The following UNC45B variants were observed in gnomAD, a reference collection of about 807,000 sequenced individuals.
UNC45B encodes unc-45 myosin chaperone B.
In UNC45B, 78 loss-of-function variants were observed where a neutral mutation model predicts 98.7. The observed-to-expected ratio is 0.79, with a 90% confidence interval of 0.66 to 0.95. The LOEUF is 0.95. UNC45B is among the 40% of genes least tolerant of loss of function. The pLI is 0.00. For missense variants in UNC45B, 1,225 were observed against 1,184.9 expected (o/e 1.03, Z -0.50); for synonymous variants, 462 against 480.4 (o/e 0.96, Z 0.50).
chr17:35,178,278 T>G (rs1188628687), intron 17 of UNC45B, among the ~76,000 whole-genome samples: 1 of 152,232 alleles, frequency 6.6e-6, no homozygotes, highest in Non-Finnish European at 1.5e-5. Flanking sequence ...TGATTTGCAT[T>G]TCTCTGATAA....
chr17:35,177,621 T>C lies in UNC45B; in HGVS notation c.2255+11T>C. 6.5e-7 allele frequency: 1 copy of C among 1,545,084 alleles called. No individual in the cohort carries two copies. Among genetic ancestry groups the C allele is most frequent in the South Asian group, 1.2e-5 (1 of 83,954 alleles). On this transcript the variant is annotated intron_variant, in intron 17 of 19. Transcript: ENST00000394570. ...GAGTGACAAACTCCGGTGAGTGTGG[T>C]GAGTGTGGCAGGGGTGGAGAGAGGT...
At chr17:35,170,080 C>A (rs966780414) in intron 11 of UNC45B, 34 bp from the exon 12 acceptor site, 6 of 1,601,580 alleles carry the variant, frequency 3.7e-6, no homozygotes, top group Non-Finnish European at 4.3e-6. Flanking sequence ...TAGCCCTGGG[C>A]CCCTTCCCAT....
At chr17:35,181,155 T>A (rs993449174) in intron 18 of UNC45B, among the ~76,000 whole-genome samples, 1 of 152,210 alleles carries the variant, frequency 6.6e-6, no homozygotes, top group Non-Finnish European at 1.5e-5. Context: ...GAAATTGCAA[T>A]GCAATATAAC....
At chr17:35,184,434 A>G (rs1870756358) in intron 19 of UNC45B, among the ~76,000 whole-genome samples, 1 of 152,198 alleles carries the variant, frequency 6.6e-6, no homozygotes, top group South Asian at 2.1e-4. Context: ...GTGGGAGGCT[A>G]ACAGCTTGGA....
chr17:35,184,107 A>G lies in UNC45B; in HGVS notation c.2529+525A>G, dbSNP rs578170896. Among the ~76,000 whole-genome samples the G allele has an allele frequency of 3.3e-5, 5 of 152,280 alleles. No homozygotes were observed. In the South Asian group the frequency reaches 8.3e-4, roughly 25 times the overall value. On this transcript the variant is annotated intron_variant, in intron 19 of 19. Coordinates refer to ENST00000394570, the MANE Select transcript of UNC45B (RefSeq NM_001267052.2). ...TCACCAAACTGAAGAGTTTGTGGGC[A>G]CTCATCTCTCCCCATGGTGAAAAAT...
At chr17:35,148,485 T>C (rs1236569779) in intron 2 of UNC45B, 54 bp downstream of exon 2, 2 of 1,570,656 alleles carry the variant, frequency 1.3e-6, no homozygotes, top group Non-Finnish European at 1.7e-6. Flanking sequence ...GCTTTGGGGC[T>C]GAGTGGCAGC....
intron 19 of UNC45B, among the ~76,000 whole-genome samples, chr17:35,185,200 C>G (rs530039845): frequency 2.6e-5 from 4 of 152,302 alleles, no homozygotes; most frequent in East Asian, 3.9e-4. Context: ...TCTGTCTACC[C>G]ATGTGCTTGT....
intron 9 of UNC45B, among the ~76,000 whole-genome samples, chr17:35,167,846 T>C (rs2092151609): frequency 6.6e-6 from 1 of 152,202 alleles, no homozygotes; most frequent in South Asian, 2.1e-4. Context: ...ACACAGCTGT[T>C]ATGTCATTTA....
At chr17:35,149,949 G>A in intron 3 of UNC45B, 99 bp from the exon 4 acceptor site, 1 of 1,299,416 alleles carries the variant, frequency 7.7e-7, no homozygotes, top group Non-Finnish European at 1.0e-6. Flanking sequence ...GGAAGACACA[G>A]AAACGAAGCA....
intron 1 of UNC45B, 28 bp from the exon 2 acceptor site, chr17:35,148,236 C>T: frequency 6.2e-7 from 1 of 1,612,998 alleles, no homozygotes; most frequent in South Asian, 1.1e-5. Flanking sequence ...GAGGGGCTGA[C>T]CAGACAGAGC....
intron 8 of UNC45B, among the ~76,000 whole-genome samples, chr17:35,163,328 G>A (rs1176593614): frequency 6.6e-6 from 1 of 152,132 alleles, no homozygotes; most frequent in African/African-American, 2.4e-5. Flanking sequence ...TTGGAGGTCA[G>A]GGTTGTATCT....
intron 19 of UNC45B, among the ~76,000 whole-genome samples, chr17:35,185,046 C>A (rs2092295377): frequency 6.6e-6 from 1 of 152,216 alleles, no homozygotes; most frequent in Non-Finnish European, 1.5e-5. Context: ...AGTTACACTT[C>A]AGCGTAGAAA....
intron 19 of UNC45B, 121 bp from the exon 20 acceptor site, chr17:35,186,178 T>C: frequency 7.7e-7 from 1 of 1,306,848 alleles, no homozygotes; most frequent in Non-Finnish European, 1.1e-6. Flanking sequence ...CTTAATGACC[T>C]AATTACCTCT....
In UNC45B at chr17:35,159,439, G is replaced by T; in HGVS notation, c.873G>T (p.Val291=). Residue 291 remains valine (V), a synonymous_variant, in exon 8 of 20, where the codon GTG becomes GTT. Coordinates refer to ENST00000394570, the MANE Select transcript of UNC45B (RefSeq NM_001267052.2). The stretch of plus-strand genomic sequence containing the variant: ...TGGACATGCTAGTCAGCAAGAAGGT[G>T]TCTGGCCAGGGCAGGGATCAGGCGC... ...HLLDMLVSKK[V]SGQGRDQALN... is the part of the protein sequence containing the mutation. The T allele has an allele frequency of 6.2e-7, 1 of 1,614,174 alleles. No individual in the cohort carries two copies. Among genetic ancestry groups the T allele is most frequent in the East Asian group, 2.2e-5 (1 of 44,882 alleles).
intron 10 of UNC45B, 91 bp from the exon 11 acceptor site, chr17:35,169,746 C>T: frequency 1.8e-6 from 2 of 1,131,584 alleles, no homozygotes; most frequent in East Asian, 2.4e-5. Flanking sequence ...GCGAAGTGTT[C>T]TGGCCATAGA....
At chr17:35,149,051 C>T (rs955994805) in intron 3 of UNC45B, 42 bp downstream of exon 3, 11 of 1,611,868 alleles carry the variant, frequency 6.8e-6, no homozygotes, top group Non-Finnish European at 9.3e-6. Flanking sequence ...TCACATTCTC[C>T]TCTGCATGGC....
intron 7 of UNC45B, among the ~76,000 whole-genome samples, chr17:35,155,693 C>G (rs938916889): frequency 1.3e-5 from 2 of 152,088 alleles, no homozygotes; most frequent in African/African-American, 4.8e-5. Flanking sequence ...CCTCAGCCTC[C>G]CGAGTATCTG....
At chr17:35,147,954 G>A (rs1023654436) in intron 1 of UNC45B, 44 bp downstream of exon 1, 1 of 333,476 alleles carries the variant, frequency 3.0e-6, no homozygotes, top group Non-Finnish European at 5.6e-6. Context: ...GGAGGGAGAC[G>A]GCAAACTTCT....
chr17:35,156,111 T>G (rs1324685896), intron 7 of UNC45B, among the ~76,000 whole-genome samples: 1 of 152,142 alleles, frequency 6.6e-6, no homozygotes, highest in Non-Finnish European at 1.5e-5. Flanking sequence ...AGACAAATAC[T>G]GCATGAATCC....
Sources: gnomAD v4.1 joint callset for allele counts (sites outside exome capture counted in the v4.1 genomes callset) on GRCh38, gnomAD v4.1.1 for gene constraint, MANE v1.5 for transcripts, NCBI Gene and HGNC (gene_info 2026-07-23, HGNC 2026-07-21) for gene names.